Variants in PRKG1 observed in about 807,000 individuals in gnomAD.
PRKG1 encodes the protein cGMP-dependent protein kinase 1.
Under a neutral mutation model 88.1 loss-of-function variants are expected in PRKG1, and 35 were observed. That is an observed-to-expected ratio of 0.40 (90% CI 0.30 to 0.53). The LOEUF is 0.53. Among genes scored for constraint, PRKG1 ranks in the 20% least tolerant of loss-of-function variants. PRKG1 has a pLI of 0.59. For missense variants in PRKG1, 540 were observed against 839.8 expected, an observed-to-expected ratio of 0.64 and a Z score of 4.41; for synonymous variants, 303 against 292.5, an observed-to-expected ratio of 1.04 and a Z score of -0.37.
intron 3 of PRKG1, among the ~76,000 whole-genome samples, chr10:51,529,072 A>C (rs890476403): frequency 6.6e-6 from 1 of 152,136 alleles, no homozygotes; most frequent in African/African-American, 2.4e-5. Context: ...GAAGATTTTT[A>C]GTTTGTCCAC....
At chr10:51,296,163 T>G (rs1840715788) in intron 2 of PRKG1, among the ~76,000 whole-genome samples, 1 of 152,190 alleles carries the variant, frequency 6.6e-6, no homozygotes, top group East Asian at 1.9e-4. Flanking sequence ...TGTCTGGTTT[T>G]GATCAGGATG....
At chr10:52,202,756 G>C (rs577270415) in intron 9 of PRKG1, among the ~76,000 whole-genome samples, 2 of 152,120 alleles carry the variant, frequency 1.3e-5, no homozygotes, top group South Asian at 4.1e-4. Context: ...TCAATCTTGA[G>C]AAGTGGTAAG....
chr10:51,040,151 A>C (rs975259516), intron 1 of PRKG1, among the ~76,000 whole-genome samples: 1 of 151,732 alleles, frequency 6.6e-6, no homozygotes, highest in African/African-American at 2.4e-5. Flanking sequence ...CATTGAATCC[A>C]TAGATTGCTT....
chr10:51,699,697 A>C (rs1165023630), intron 3 of PRKG1: 6 of 814,286 alleles, frequency 7.4e-6, no homozygotes, highest in African/African-American at 6.9e-5. Flanking sequence ...TGCCTGTGGA[A>C]CCTGCATCCC....
chr10:51,028,809 A>C (rs1203547265), intron 1 of PRKG1, among the ~76,000 whole-genome samples: 1 of 152,148 alleles, frequency 6.6e-6, no homozygotes, highest in African/African-American at 2.4e-5. Context: ...TTATTTTTGC[A>C]GCTATCATCA....
chr10:52,042,000 A>G (rs1044408752), intron 5 of PRKG1, among the ~76,000 whole-genome samples: 1 of 152,104 alleles, frequency 6.6e-6, no homozygotes, highest in Admixed American at 6.6e-5. Context: ...AAATTTAACC[A>G]AGGAGGTGAA....
intron 5 of PRKG1, among the ~76,000 whole-genome samples, chr10:51,989,438 T>C (rs1288966171): frequency 6.6e-6 from 1 of 151,992 alleles, no homozygotes; most frequent in African/African-American, 2.4e-5. Flanking sequence ...TGAAATCATG[T>C]AATAATTCAA....
At chr10:51,460,937 G>A (rs293289) in intron 2 of PRKG1, among the ~76,000 whole-genome samples, 53,535 of 151,844 alleles carry the variant, frequency 0.35, 10,490 homozygotes, top group African/African-American at 0.51. Flanking sequence ...ATGTATGTAT[G>A]CCTCATGACT....
chr10:51,416,356 T>C (rs1277867076), intron 2 of PRKG1, among the ~76,000 whole-genome samples: 2 of 152,178 alleles, frequency 1.3e-5, no homozygotes, highest in Non-Finnish European at 2.9e-5. Context: ...AGTGGAACAT[T>C]GTACCTAACA....
chr10:51,099,545 T>G (rs1448156161), intron 1 of PRKG1, among the ~76,000 whole-genome samples: 2 of 152,100 alleles, frequency 1.3e-5, no homozygotes, highest in African/African-American at 4.8e-5. Context: ...TCTGGGAAAA[T>G]GTGTTCCTAA....
intron 2 of PRKG1, among the ~76,000 whole-genome samples, chr10:51,379,431 C>A (rs943367259): frequency 4.6e-5 from 7 of 152,054 alleles, no homozygotes; most frequent in Admixed American, 6.6e-5. Flanking sequence ...GCATAAGAAG[C>A]AAAATATCCA....
rs578037499 is a variant in PRKG1 at position 52,047,547 on chromosome 10, T to C, written c.763-6937T>C. 3.9e-5 allele frequency among the ~76,000 whole-genome samples: 6 copies of C among 152,262 alleles called. 1 individual carries two copies. In the South Asian group the frequency reaches 1.2e-3, roughly 32 times the overall value. ...CAATGGTGAGAATTTTATGCTGTTA[T>C]GAATAGCTTTCAGTCGTTCTTGGCA... On this transcript the variant is annotated intron_variant, in intron 5 of 17. Transcript: ENST00000373980.
chr10:51,193,712 C>T (rs1394560105), intron 2 of PRKG1, among the ~76,000 whole-genome samples: 1 of 152,080 alleles, frequency 6.6e-6, no homozygotes, highest in East Asian at 1.9e-4. Flanking sequence ...GATCCAACTT[C>T]CCTGTTGCTG....
At chr10:51,398,406 T>C (rs1837639001) in intron 2 of PRKG1, among the ~76,000 whole-genome samples, 1 of 152,164 alleles carries the variant, frequency 6.6e-6, no homozygotes, top group Non-Finnish European at 1.5e-5. Flanking sequence ...CACCTGCTGC[T>C]CACCTCCTGC....
chr10:51,670,735 C>CAAAAAAAA (rs1181738888), intron 3 of PRKG1, among the ~76,000 whole-genome samples: 1 of 116,718 alleles, frequency 8.6e-6, no homozygotes, highest in Non-Finnish European at 1.8e-5. Flanking sequence ...GACTCCGTCT[C>CAAAAAAAA]AAAAAAAAAT....
In PRKG1 at chr10:52,280,856, C is replaced by T; in HGVS notation, c.1471C>T (p.His491Tyr). ...ACVVEAFAYL[H>Y]SKGIIYRDLK... ...TGTGGTAGAAGCTTTTGCCTATCTG[C>T]ATTCCAAAGGAATCATTTACAGGGA... is the stretch of plus-strand genomic sequence containing the variant. The change falls in exon 13 of 18, where the codon CAT becomes TAT. Residue 491 changes from histidine to tyrosine, a missense_variant. This residue lies in a region of PRKG1 where 400 missense variants were observed against 562.7 expected (regional missense o/e 0.71). Coordinates refer to ENST00000373980, the MANE Select transcript of PRKG1 (RefSeq NM_006258.4). The T allele has an allele frequency of 6.2e-7, 1 of 1,613,272 alleles. No individual in the cohort carries two copies. Among genetic ancestry groups the T allele is most frequent in the Admixed American group, 1.7e-5 (1 of 59,936 alleles).
At chr10:51,435,412 G>A (rs1838894778) in intron 2 of PRKG1, among the ~76,000 whole-genome samples, 1 of 124,308 alleles carries the variant, frequency 8.0e-6, no homozygotes, top group African/African-American at 3.5e-5. Flanking sequence ...GGGACACCAA[G>A]GGACATTACT....
At chr10:52,284,738 G>C (rs371127762) in intron 14 of PRKG1, among the ~76,000 whole-genome samples, 2 of 152,056 alleles carry the variant, frequency 1.3e-5, no homozygotes, top group Admixed American at 1.3e-4. Context: ...TTCATGCAGA[G>C]ACCTAATTAA....
At chr10:51,043,854 G>T (rs1397722317) in intron 1 of PRKG1, among the ~76,000 whole-genome samples, 1 of 152,164 alleles carries the variant, frequency 6.6e-6, no homozygotes, top group African/African-American at 2.4e-5. Flanking sequence ...CATATCTAGA[G>T]TTCTAGATTG....
Sources: gnomAD v4.1 joint callset for allele counts (sites outside exome capture counted in the v4.1 genomes callset) on GRCh38, gnomAD v4.1.1 for gene constraint, gnomAD v4.1.1 regional missense constraint, MANE v1.5 for transcripts, NCBI Gene and HGNC (gene_info 2026-07-23, HGNC 2026-07-21) for gene names.